HDAC7: variants seen among roughly 807,000 people sequenced by gnomAD.
The protein encoded by HDAC7 is histone deacetylase 7.
A neutral mutation model predicts 115.5 loss-of-function variants in HDAC7; 26 were observed. The ratio of observed to expected loss-of-function variants is 0.23; its 90% CI spans 0.16 to 0.31. The LOEUF is 0.31. HDAC7 is among the 10% of genes least tolerant of loss of function. The pLI is 1.00. For synonymous variants in HDAC7, 564 were observed against 550.9 expected (o/e 1.02, Z -0.33); for missense variants, 1,068 against 1,329.0 (o/e 0.80, Z 3.05).
At chr12:47,790,232 G>A (rs1943411686) in intron 16 of HDAC7, 2 of 361,702 alleles carry the variant, frequency 5.5e-6, no homozygotes, top group South Asian at 5.7e-5. Flanking sequence ...GTTTGGGCCG[G>A]GAGGGGGTTT....
rs74530434 is a variant in HDAC7 at position 47,792,047 on chromosome 12, C to T, written c.1679-43G>A. On this transcript the variant is annotated intron_variant, in intron 13 of 25. Transcript: ENST00000080059. The stretch of plus-strand genomic sequence containing the variant: ...AGAGCGGGGACCCAGGGAGTCCTCA[C>T]GCCCCATGGCCTTGGCTGCAGAGAA... 5.5e-4 allele frequency: 862 copies of T among 1,555,396 alleles called. 4 individuals carry two copies. The African/African-American group carries it at 9.9e-3, about 18-fold the overall frequency.
intron 15 of HDAC7, 105 bp downstream of exon 15, chr12:47,791,481 C>T: frequency 2.0e-6 from 3 of 1,469,738 alleles, no homozygotes; most frequent in Admixed American, 2.1e-5. Context: ...TAGGGACGTC[C>T]AGGGTGCAGG....
intron 24 of HDAC7, 189 bp downstream of exon 24, chr12:47,785,198 G>A (rs371719608): frequency 1.0e-5 from 6 of 595,208 alleles, no homozygotes; most frequent in South Asian, 8.2e-5. Context: ...CATCGGGGGG[G>A]CTCAGAGGAT....
chr12:47,792,085 G>A lies in HDAC7; in HGVS notation c.1679-81C>T, dbSNP rs181844847. 329 of 1,462,628 alleles carry A rather than the reference G, an allele frequency of 2.2e-4. 1 individual carries two copies. The African/African-American group carries it at 3.4e-3, about 15-fold the overall frequency. The allele number at this position is 1,462,628 out of a possible 1,614,324, so 90.6% of individuals were successfully genotyped here. On this transcript the variant is annotated intron_variant, in intron 13 of 25. Coordinates refer to ENST00000080059, the MANE Select transcript of HDAC7 (RefSeq NM_015401.5). ...TGGCTGCAGAGAACACGCCAGCACC[G>A]CCACAGCAGGCACCCACATGGAGCC...
chr12:47,789,454 T>C, intron 18 of HDAC7, 69 bp downstream of exon 18: 1 of 1,583,534 alleles, frequency 6.3e-7, no homozygotes, highest in South Asian at 1.1e-5. Context: ...GAAGAGAGAA[T>C]GTCCCTGAAG....
chr12:47,798,720 C>T lies in HDAC7; in HGVS notation c.258+65G>A. 3 of 1,565,594 alleles carry T rather than the reference C, an allele frequency of 1.9e-6. No individual in the cohort carries two copies. Among genetic ancestry groups the T allele is most frequent in the Non-Finnish European group, 2.6e-6 (3 of 1,153,690 alleles). The stretch of plus-strand genomic sequence containing the variant: ...GGACTGAGACTGGTGTCTAGGGATG[C>T]TGAAGGCGGGGAGGCTGGGGACCAA... On this transcript the variant is annotated intron_variant, in intron 3 of 25. Coordinates refer to ENST00000080059, the MANE Select transcript of HDAC7 (RefSeq NM_015401.5). The surrounding 1 kb of genome is among the most constrained non-coding windows in gnomAD (Gnocchi z 4.3).
At chr12:47,811,968 C>T (rs944859789) in intron 1 of HDAC7, among the ~76,000 whole-genome samples, 1 of 152,246 alleles carries the variant, frequency 6.6e-6, no homozygotes, top group Non-Finnish European at 1.5e-5. Flanking sequence ...GCTGGGAATA[C>T]TCACTGCTGA....
Position 47,797,291 on chromosome 12 carries a change from G to GGCCCCCCCC in HDAC7, c.577+92_577+93insGGGGGGGGC. The GGCCCCCCCC allele has an allele frequency of 7.5e-6, 10 of 1,336,106 alleles. No individual in the cohort carries two copies. Among genetic ancestry groups the GGCCCCCCCC allele is most frequent in the South Asian group, 1.2e-5 (1 of 81,386 alleles). 82.8% of individuals were successfully genotyped at this position (1,336,106 alleles called of 1,614,324 possible). On this transcript the variant is annotated intron_variant, in intron 6 of 25. Transcript: ENST00000080059. The surrounding 1 kb of genome is among the most constrained non-coding windows in gnomAD (Gnocchi z 5.5). ...AGCCTACCGATGATCTCCTGGCCCAGCCCAGCCCGCCCACCCCTGCACACT... is the reference window on the plus strand; with the variant it reads ...AGCCTACCGATGATCTCCTGGCCCAGGCCCCCCCCCCCAGCCCGCCCACCCCTGCACACT...
In HDAC7 at chr12:47,800,190, T is replaced by C. The variant is rs529991752; in HGVS notation, c.71-1218A>G. On this transcript the variant is annotated intron_variant, in intron 2 of 25. Coordinates refer to ENST00000080059, the MANE Select transcript of HDAC7 (RefSeq NM_015401.5). ...GCCCCGGGGGGTAGTCATTACTATC[T>C]TGTTATCCTAAATAAGGAAACCGAG... Among the ~76,000 whole-genome samples, 30 of 152,306 alleles carry C rather than the reference T, an allele frequency of 2.0e-4. No homozygotes were observed. In the South Asian group the frequency reaches 6.2e-3, roughly 32 times the overall value.
chr12:47,802,444 A>C, intron 1 of HDAC7, 170 bp from the exon 2 acceptor site: 1 of 1,547,630 alleles, frequency 6.5e-7, no homozygotes, highest in African/African-American at 1.4e-5. Flanking sequence ...ACCCCATTCG[A>C]CTCCTCCAGT....
Position 47,797,441 on chromosome 12 carries a change from G to A in HDAC7, c.520C>T (p.Pro174Ser), listed in dbSNP as rs747216664. The change falls in exon 6 of 26, where the codon CCT (proline) becomes TCT (serine). Residue 174 changes from proline to serine, a missense_variant. This residue lies in a region of HDAC7 where 618 missense variants were observed against 701.5 expected (regional missense o/e 0.88). Transcript: ENST00000080059. This position sits in a 1 kb window ranked among gnomAD's most constrained non-coding sequence, Gnocchi z 5.5. ...TCACTGGGCAGGCTGGGAACAGGAG[G>A]CAAAAAGCTGCTGAGCATGGAGCGG... Reference protein sequence around the residue: ...ATRSMLSSFLPPVPSLPSDPP... With the variant: ...ATRSMLSSFLSPVPSLPSDPP... 10 of 1,613,986 alleles carry A rather than the reference G, an allele frequency of 6.2e-6. No individual in the cohort carries two copies. The highest frequency in any genetic ancestry group is 1.3e-5 in the African/African-American group (1 of 74,908).
Position 47,797,537 on chromosome 12 carries a change from G to A in HDAC7, c.462-38C>T, listed in dbSNP as rs562369823. 7 of 1,500,888 alleles carry A rather than the reference G, an allele frequency of 4.7e-6. No homozygotes were observed. The highest frequency in any genetic ancestry group is 2.3e-5 in the East Asian group (1 of 44,282). The allele number at this position is 1,500,888 out of a possible 1,614,324, so 93.0% of individuals were successfully genotyped here. On this transcript the variant is annotated intron_variant, in intron 5 of 25. Transcript: ENST00000080059. The surrounding 1 kb of genome is among the most constrained non-coding windows in gnomAD (Gnocchi z 5.5). ...TGCCAAGGCTGCTTCAGAGGTGTGG[G>A]GACACTGCACGGGCACTGCCCTGAG...
intron 12 of HDAC7, 88 bp downstream of exon 12, chr12:47,794,672 T>C (rs1225720718): frequency 3.0e-6 from 4 of 1,335,852 alleles, no homozygotes; most frequent in Non-Finnish European, 4.0e-6. Context: ...GTTGCACTGA[T>C]GTCGTATCTC....
chr12:47,796,420 T>C, intron 7 of HDAC7, 122 bp from the exon 8 acceptor site: 3 of 586,660 alleles, frequency 5.1e-6, no homozygotes, highest in Non-Finnish European at 5.8e-6. Context: ...CTTTGCTTCC[T>C]GCTTTCTTTT....
intron 1 of HDAC7, among the ~76,000 whole-genome samples, chr12:47,810,640 A>G (rs12307541): frequency 0.04 from 6,158 of 152,266 alleles, 189 homozygotes; most frequent in African/African-American, 0.086. Context: ...TGCCTCCAGC[A>G]GGGTATAACT....
At position 47,797,087 on chromosome 12, in the gene HDAC7, C is replaced by T. The variant is rs1309965884; in HGVS notation, c.633G>A (p.Arg211=). 6.2e-7 allele frequency: 1 copy of T among 1,609,120 alleles called. No homozygotes were observed. Among genetic ancestry groups the T allele is most frequent in the Non-Finnish European group, 8.5e-7 (1 of 1,177,764 alleles). Reference sequence around the variant, plus strand: ...TCTCCTTTCGGAGCAGTGGATTCTTCCTCCGCTCCAGGGACTTCTTGGGCT... The same window carrying T: ...TCTCCTTTCGGAGCAGTGGATTCTTTCTCCGCTCCAGGGACTTCTTGGGCT... ...RYKPKKSLER[R]KNPLLRKESA... is the part of the protein sequence containing the mutation. Residue 211 remains arginine (R), a synonymous_variant, in exon 7 of 26, where the codon AGG becomes AGA. Coordinates refer to ENST00000080059, the MANE Select transcript of HDAC7 (RefSeq NM_015401.5). This position sits in a 1 kb window ranked among gnomAD's most constrained non-coding sequence, Gnocchi z 5.5.
At chr12:47,785,532 C>T (rs1431893496) in intron 23 of HDAC7, 61 bp from the exon 24 acceptor site, 2 of 1,520,518 alleles carry the variant, frequency 1.3e-6, no homozygotes, top group Non-Finnish European at 1.8e-6. Flanking sequence ...AGCTCACTCC[C>T]ACCCCAGGGG....
Position 47,783,818 on chromosome 12 carries a change from G to T in HDAC7, c.*23C>A. On this transcript the variant is annotated 3_prime_UTR_variant, in exon 26 of 26. Transcript: ENST00000080059. ...AGAACCAGGTCCCAAGGGCATGGTG[G>T]GCGGGCAGATGGTTCCAGAGCCTTA... is the stretch of plus-strand genomic sequence containing the variant. The T allele has an allele frequency of 6.2e-7, 1 of 1,608,248 alleles. No individual in the cohort carries two copies. Among genetic ancestry groups the T allele is most frequent in the South Asian group, 1.1e-5 (1 of 89,348 alleles).
chr12:47,801,240 A>G (rs1464995012), intron 2 of HDAC7, among the ~76,000 whole-genome samples: 9 of 152,216 alleles, frequency 5.9e-5, no homozygotes, highest in Admixed American at 5.9e-4. Flanking sequence ...TAAGCTCCAT[A>G]GGGCAGGGAG....
Sources: gnomAD v4.1 joint callset for allele counts (sites outside exome capture counted in the v4.1 genomes callset) on GRCh38, gnomAD v4.1.1 for gene constraint, gnomAD v4.1.1 regional missense constraint, Gnocchi (gnomAD v3.1) non-coding constraint, MANE v1.5 for transcripts, NCBI Gene and HGNC (gene_info 2026-07-23, HGNC 2026-07-21) for gene names.